Variants in NSMCE2 observed in about 807,000 individuals in gnomAD.
The protein encoded by NSMCE2 is E3 SUMO-protein ligase NSE2.
Under a neutral mutation model 23.8 loss-of-function variants are expected in NSMCE2, and 24 were observed. The ratio of observed to expected loss-of-function variants is 1.01; its 90% confidence interval spans 0.73 to 1.42. The LOEUF is 1.42. Among genes scored for constraint, NSMCE2 ranks in the 40% most tolerant of loss-of-function variants. NSMCE2 has a pLI of 0.00. For missense variants in NSMCE2, 284 were observed against 296.5 expected (o/e 0.96, Z 0.31); for synonymous variants, 92 against 94.1 (o/e 0.98, Z 0.13).
chr8:125,360,492 C>T (rs1813490012), intron 7 of NSMCE2, among the ~76,000 whole-genome samples: 1 of 152,178 alleles, frequency 6.6e-6, no homozygotes, highest in African/African-American at 2.4e-5. Context: ...GGTGCCAACC[C>T]TCAAAAAACA....
intron 5 of NSMCE2, among the ~76,000 whole-genome samples, chr8:125,268,831 A>G (rs1827054389): frequency 6.6e-6 from 1 of 152,224 alleles, no homozygotes; most frequent in African/African-American, 2.4e-5. Context: ...CAGAGCCTGC[A>G]GATCAAAACT....
rs1828040806 is a variant in NSMCE2, at chr8:125,289,853, T to C, written c.419-67366T>C. On this transcript the variant is annotated intron_variant, in intron 5 of 7. Transcript: ENST00000287437. ...CACACTAGCTGATCAACTACTGGTC[T>C]TAAATCAAAGCATTTATTATCAAAG... Among the ~76,000 whole-genome samples, 3 of 152,236 alleles carry C rather than the reference T, an allele frequency of 2.0e-5. No individual in the cohort carries two copies. The South Asian group carries it at 6.2e-4, about 31-fold the overall frequency.
chr8:125,254,617 T>A (rs1185617040), intron 5 of NSMCE2, among the ~76,000 whole-genome samples: 6 of 151,958 alleles, frequency 3.9e-5, no homozygotes, highest in East Asian at 1.9e-4. Flanking sequence ...TTTTTTTTTT[T>A]AATAAAGGAC....
At chr8:125,160,485 A>G (rs16900402) in intron 4 of NSMCE2, among the ~76,000 whole-genome samples, 10,397 of 152,210 alleles carry the variant, frequency 0.068, 484 homozygotes, top group Non-Finnish European at 0.095. Context: ...TATGGAAGTT[A>G]GTGCTCATAG....
chr8:125,153,514 G>C (rs1821154201), intron 4 of NSMCE2, among the ~76,000 whole-genome samples: 1 of 152,168 alleles, frequency 6.6e-6, no homozygotes, highest in Non-Finnish European at 1.5e-5. Flanking sequence ...TAAGGATACT[G>C]CTATCTTATT....
intron 5 of NSMCE2, among the ~76,000 whole-genome samples, chr8:125,342,946 G>A (rs940478569): frequency 4.6e-5 from 7 of 152,018 alleles, no homozygotes; most frequent in Non-Finnish European, 5.9e-5. Flanking sequence ...AATATCTTCC[G>A]GATTGAATAC....
At chr8:125,160,082 C>T (rs1821527008) in intron 4 of NSMCE2, among the ~76,000 whole-genome samples, 2 of 152,060 alleles carry the variant, frequency 1.3e-5, no homozygotes, top group South Asian at 4.1e-4. Context: ...AATAGTTTGA[C>T]AGAGACAATA....
chr8:125,324,189 A>G (rs568119052), intron 5 of NSMCE2, among the ~76,000 whole-genome samples: 8 of 152,320 alleles, frequency 5.3e-5, no homozygotes, highest in African/African-American at 9.6e-5. Context: ...TGATCATACC[A>G]TGTGTTGGCA....
intron 5 of NSMCE2, among the ~76,000 whole-genome samples, chr8:125,324,572 C>CTTT (rs1189623667): frequency 0.04 from 2,401 of 59,356 alleles, 406 homozygotes; most frequent in African/African-American, 0.12. Flanking sequence ...TGATAAAATT[C>CTTT]TTTTTTTTTT....
intron 1 of NSMCE2, among the ~76,000 whole-genome samples, chr8:125,096,634 CTTTTTTTTTTT>C (rs34656029): frequency 1.2e-5 from 1 of 80,436 alleles, no homozygotes; most frequent in Non-Finnish European, 2.1e-5. Flanking sequence ...GTGTGGAATC[CTTTTTTTTTTT>C]TTTTTTTTTT....
chr8:125,314,555 G>C (rs1196748812), intron 5 of NSMCE2, among the ~76,000 whole-genome samples: 3 of 152,218 alleles, frequency 2.0e-5, no homozygotes, highest in Non-Finnish European at 4.4e-5. Context: ...CTCCCAAAGT[G>C]CTGGGATTAC....
intron 5 of NSMCE2, among the ~76,000 whole-genome samples, chr8:125,263,674 C>A (rs977746734): frequency 6.6e-6 from 1 of 151,490 alleles, no homozygotes; most frequent in Non-Finnish European, 1.5e-5. Context: ...CTCTTGAACC[C>A]GGGAGGCAGA....
chr8:125,153,935 C>G (rs1180238545), intron 4 of NSMCE2, among the ~76,000 whole-genome samples: 2 of 152,028 alleles, frequency 1.3e-5, no homozygotes, highest in Non-Finnish European at 2.9e-5. Context: ...TTTGACCTGT[C>G]CTATTCTGGA....
intron 5 of NSMCE2, among the ~76,000 whole-genome samples, chr8:125,236,725 A>T (rs1174311561): frequency 6.6e-6 from 1 of 152,132 alleles, no homozygotes; most frequent in African/African-American, 2.4e-5. Context: ...ATTTCTAAAA[A>T]GATTTGACTA....
intron 5 of NSMCE2, among the ~76,000 whole-genome samples, chr8:125,282,259 G>A (rs949241424): frequency 2.6e-5 from 4 of 151,954 alleles, no homozygotes; most frequent in Admixed American, 2.6e-4. Context: ...GATTACAGGC[G>A]CATGCCACTA....
At chr8:125,177,263 A>T (rs889630247) in intron 4 of NSMCE2, among the ~76,000 whole-genome samples, 1 of 152,150 alleles carries the variant, frequency 6.6e-6, no homozygotes, top group African/African-American at 2.4e-5. Flanking sequence ...TAATTAAGAG[A>T]TGAGAGAATT....
At chr8:125,122,010 C>T (rs1377487204) in intron 3 of NSMCE2, among the ~76,000 whole-genome samples, 1 of 151,958 alleles carries the variant, frequency 6.6e-6, no homozygotes, top group Non-Finnish European at 1.5e-5. Flanking sequence ...GAGATAAGTT[C>T]TTACCTACGC....
intron 5 of NSMCE2, among the ~76,000 whole-genome samples, chr8:125,274,942 A>AG: frequency 6.6e-6 from 1 of 150,524 alleles, no homozygotes; most frequent in East Asian, 1.9e-4. Flanking sequence ...AAAAAAAAAA[A>AG]AAAAGAACCT....
intron 5 of NSMCE2, among the ~76,000 whole-genome samples, chr8:125,235,078 T>C (rs1037727582): frequency 1.3e-5 from 2 of 152,082 alleles, no homozygotes; most frequent in African/African-American, 4.8e-5. Flanking sequence ...AAAACCCACC[T>C]CTACTAAAAA....
Sources: allele counts gnomAD v4.1 joint callset (sites outside exome capture counted in the v4.1 genomes callset), GRCh38; gene constraint gnomAD v4.1.1; transcripts MANE v1.5; gene names NCBI Gene and HGNC (gene_info 2026-07-23, HGNC 2026-07-21).